Variants in DNAH6 observed in about 807,000 individuals in gnomAD.
The protein encoded by DNAH6 is dynein axonemal heavy chain 6.
Under a neutral mutation model 491.4 loss-of-function variants are expected in DNAH6, and 340 were observed. That is an observed-to-expected ratio of 0.69 (90% CI 0.63 to 0.76). DNAH6 has a LOEUF of 0.76. Ranked by LOEUF, DNAH6 falls within the 30% of genes least tolerant of loss-of-function variation. The pLI is 0.00. For missense variants in DNAH6, 4,443 were observed against 4,972.2 expected (o/e 0.89, Z 3.20); for synonymous variants, 1,603 against 1,686.1 (o/e 0.95, Z 1.21).
rs768376206 is a variant in DNAH6 at position 84,624,343 on chromosome 2, A to G, written c.4150A>G (p.Ile1384Val). 252 of 1,551,314 alleles carry G rather than the reference A, an allele frequency of 1.6e-4. 1 individual carries two copies. Among genetic ancestry groups the G allele is most frequent in the African/African-American group, 2.5e-4 (18 of 73,048 alleles). Reference protein sequence around the residue: ...HRNILTALITIDVHARDIVTE... With the variant: ...HRNILTALITVDVHARDIVTE... Reference sequence around the variant, plus strand: ...AAACATCCTAACTGCATTGATTACTATTGATGTGCATGCAAGAGATATAGT... The same window carrying G: ...AAACATCCTAACTGCATTGATTACTGTTGATGTGCATGCAAGAGATATAGT... The change falls in exon 27 of 77, where the codon ATT (isoleucine) becomes GTT (valine). Residue 1384 changes from isoleucine (I) to valine (V), a missense_variant. Ile to Val is a conservative substitution (Grantham distance 29). This residue lies in a region of DNAH6 where 2,977 missense variants were observed against 3,296.6 expected (regional missense o/e 0.90). Coordinates refer to ENST00000389394, the MANE Select transcript of DNAH6 (RefSeq NM_001370.2).
chr2:84,504,059 T>G, the DNAH6 span, among the ~76,000 whole-genome samples: 1 of 152,104 alleles, frequency 6.6e-6, no homozygotes, highest in African/African-American at 2.4e-5. Flanking sequence ...TGGGGACTAT[T>G]TTTTAGATCC....
intron 4 of DNAH6, among the ~76,000 whole-genome samples, chr2:84,538,510 G>A (rs535082750): frequency 6.6e-6 from 1 of 152,202 alleles, no homozygotes; most frequent in South Asian, 2.1e-4. Flanking sequence ...AGCATCTTTT[G>A]GGTCCACAGA....
At chr2:84,564,954 T>C (rs1224023616) in intron 11 of DNAH6, among the ~76,000 whole-genome samples, 2 of 152,192 alleles carry the variant, frequency 1.3e-5, no homozygotes, top group Non-Finnish European at 2.9e-5. Context: ...GATCATATGA[T>C]TTTTGCTTTT....
chr2:84,520,370 A>G (rs1215363806), intron 2 of DNAH6, among the ~76,000 whole-genome samples: 1 of 152,098 alleles, frequency 6.6e-6, no homozygotes, highest in Non-Finnish European at 1.5e-5. Context: ...TGATCTGCAT[A>G]GGTGAAACTG....
chr2:84,560,020 A>G (rs190676362), intron 11 of DNAH6, among the ~76,000 whole-genome samples: 1 of 152,326 alleles, frequency 6.6e-6, no homozygotes, highest in Admixed American at 6.5e-5. Context: ...AAAATGGTTC[A>G]GAGACAAAAT....
rs376890453 is a variant in DNAH6, at chr2:84,618,087, C to T, written c.3572+1105C>T. Among the ~76,000 whole-genome samples the T allele has an allele frequency of 1.4e-4, 21 of 152,132 alleles. 1 individual carries two copies. The highest frequency in any genetic ancestry group is 5.1e-4 in the African/African-American group (21 of 41,516). On this transcript the variant is annotated intron_variant, in intron 23 of 76. Transcript: ENST00000389394. ...GAAATTTTAACATCTAGTTATATTA[C>T]TTGGGAAAGATTTGGTCAAAAACAC...
chr2:84,502,192 T>G, the DNAH6 span, among the ~76,000 whole-genome samples: 2 of 152,340 alleles, frequency 1.3e-5, no homozygotes, highest in East Asian at 3.9e-4. Flanking sequence ...CCGCTTTTGC[T>G]GTATCCCATA....
At chr2:84,669,858 T>C (rs1287405362) in intron 38 of DNAH6, among the ~76,000 whole-genome samples, 4 of 152,190 alleles carry the variant, frequency 2.6e-5, no homozygotes, top group Admixed American at 2.6e-4. Context: ...TTGATAGAGA[T>C]CAGCTCATCC....
intron 29 of DNAH6, among the ~76,000 whole-genome samples, chr2:84,631,496 C>T (rs1270569091): frequency 6.6e-6 from 1 of 152,096 alleles, no homozygotes; most frequent in Non-Finnish European, 1.5e-5. Context: ...TTTATAAAGA[C>T]TCAGATGTTT....
In DNAH6 at chr2:84,677,133, T is replaced by C; in HGVS notation, c.6741T>C (p.Phe2247=). ...MPSEHSLKQI[F]QAILNGFLSD... ...CAGAGCACAGTCTGAAACAGATTTT[T>C]CAGGTGAGTGTCGATTTTAACTTAG... Residue 2247 remains phenylalanine (F), a synonymous_variant, in exon 41 of 77, where the codon TTT becomes TTC. Transcript: ENST00000389394. 1 of 1,551,650 alleles carries C rather than the reference T, an allele frequency of 6.4e-7. No individual in the cohort carries two copies. The highest frequency in any genetic ancestry group is 1.2e-5 in the South Asian group (1 of 84,050).
At position 84,624,289 on chromosome 2, in the gene DNAH6, G is replaced by A. The variant is rs938175546; in HGVS notation, c.4096G>A (p.Val1366Ile). Residue 1366 changes from valine (V) to isoleucine (I), a missense_variant, in exon 27 of 77, where the codon GTT becomes ATT. Transcript: ENST00000389394. ...FERLNALAAI[V>I]QGSLPKLHRN... The stretch of plus-strand genomic sequence containing the variant: ...GAGATTAAATGCCCTAGCTGCAATA[G>A]TTCAAGGCAGTCTTCCTAAATTACA... The A allele has an allele frequency of 5.2e-6, 8 of 1,550,424 alleles. No individual in the cohort carries two copies. The African/African-American group carries it at 9.6e-5, about 19-fold the overall frequency.
At chr2:84,475,716 G>A in the DNAH6 span, among the ~76,000 whole-genome samples, 7 of 152,096 alleles carry the variant, frequency 4.6e-5, no homozygotes, top group East Asian at 1.9e-4. Flanking sequence ...CATTAGCATC[G>A]TCATATGCAA....
intron 32 of DNAH6, 48 bp from the exon 33 acceptor site, chr2:84,641,899 C>A (rs564888034): frequency 4.1e-6 from 6 of 1,454,738 alleles, no homozygotes; most frequent in South Asian, 2.5e-5. Flanking sequence ...AAATCATGTT[C>A]AACCTTATGT....
At chr2:84,577,047 TA>T (rs1357274277) in intron 12 of DNAH6, among the ~76,000 whole-genome samples, 1 of 152,202 alleles carries the variant, frequency 6.6e-6, no homozygotes, top group Non-Finnish European at 1.5e-5. Flanking sequence ...ATTTACATTA[TA>T]AAATATTAGT....
chr2:84,725,162 G>T (rs1698512027), intron 60 of DNAH6, among the ~76,000 whole-genome samples: 1 of 152,142 alleles, frequency 6.6e-6, no homozygotes, highest in South Asian at 2.1e-4. Flanking sequence ...AGTCTGTTTT[G>T]ATCTCTGCAT....
intron 49 of DNAH6, among the ~76,000 whole-genome samples, chr2:84,702,953 A>C (rs1044889334): frequency 6.6e-6 from 1 of 152,104 alleles, no homozygotes; most frequent in Non-Finnish European, 1.5e-5. Flanking sequence ...TAGGTTTCAA[A>C]TCCAGCAGCT....
chr2:84,624,306 T>C lies in DNAH6; in HGVS notation c.4113T>C (p.Pro1371=). 3.9e-6 allele frequency: 6 copies of C among 1,551,306 alleles called. No homozygotes were observed. The highest frequency in any genetic ancestry group is 1.4e-5 in the African/African-American group (1 of 73,168). ...CTGCAATAGTTCAAGGCAGTCTTCC[T>C]AAATTACACAGAAACATCCTAACTG... ...ALAAIVQGSL[P]KLHRNILTAL... Residue 1371 remains proline, a synonymous_variant, in exon 27 of 77, where the codon CCT becomes CCC. Transcript: ENST00000389394.
intron 62 of DNAH6, among the ~76,000 whole-genome samples, chr2:84,736,812 G>A (rs1216387412): frequency 6.6e-6 from 1 of 151,672 alleles, no homozygotes; most frequent in Non-Finnish European, 1.5e-5. Flanking sequence ...TTCCTGTTTG[G>A]ATAAATTTCT....
chr2:84,728,736 G>A (rs970213095), intron 61 of DNAH6, among the ~76,000 whole-genome samples: 3 of 151,992 alleles, frequency 2.0e-5, no homozygotes, highest in Admixed American at 6.6e-5. Context: ...ACTGTAATAC[G>A]AGTTCTGCTA....
Sources: allele counts gnomAD v4.1 joint callset (sites outside exome capture counted in the v4.1 genomes callset), GRCh38; gene constraint gnomAD v4.1.1; regional missense constraint gnomAD v4.1.1; transcripts MANE v1.5; gene names NCBI Gene and HGNC (gene_info 2026-07-23, HGNC 2026-07-21).